HPSE2: variants seen among roughly 807,000 people sequenced by gnomAD.
The protein encoded by HPSE2 is heparanase 2 (inactive).
Under a neutral mutation model 60.5 loss-of-function variants are expected in HPSE2, and 38 were observed. That is an observed-to-expected ratio of 0.63 (90% CI 0.48 to 0.82). HPSE2 has a LOEUF of 0.82. Ranked by LOEUF, HPSE2 falls within the 40% of genes least tolerant of loss-of-function variation. HPSE2 has a pLI of 0.00. For missense variants in HPSE2, 713 were observed against 740.4 expected (o/e 0.96, Z 0.43); for synonymous variants, 295 against 293.2 (o/e 1.01, Z -0.06).
intron 3 of HPSE2, among the ~76,000 whole-genome samples, chr10:99,005,322 G>C (rs1193657610): frequency 6.6e-6 from 1 of 151,972 alleles, no homozygotes; most frequent in Non-Finnish European, 1.5e-5. Flanking sequence ...CATAAATTCT[G>C]TAAGTTTTCT....
At chr10:98,577,295 T>C (rs1944668258) in intron 9 of HPSE2, among the ~76,000 whole-genome samples, 1 of 152,190 alleles carries the variant, frequency 6.6e-6, no homozygotes, top group Non-Finnish European at 1.5e-5. Context: ...TTATTGTTTG[T>C]TTCAGCAATT....
At chr10:98,570,272 G>A (rs1944457494) in intron 9 of HPSE2, among the ~76,000 whole-genome samples, 1 of 152,106 alleles carries the variant, frequency 6.6e-6, no homozygotes, top group Admixed American at 6.5e-5. Flanking sequence ...GCTGTCTGTT[G>A]TTTGCCCTTC....
intron 6 of HPSE2, among the ~76,000 whole-genome samples, chr10:98,678,219 T>A (rs1034982597): frequency 3.3e-5 from 1 of 30,482 alleles, no homozygotes; most frequent in African/African-American, 4.8e-5. Flanking sequence ...AGGAATTTTC[T>A]AAAGGCCAAT....
chr10:98,561,725 G>T lies in HPSE2; in HGVS notation c.1320+53179C>A, dbSNP rs987435187. Among the ~76,000 whole-genome samples, 4 of 152,142 alleles carry T rather than the reference G, an allele frequency of 2.6e-5. No individual in the cohort carries two copies. The East Asian group carries it at 5.8e-4, about 22-fold the overall frequency. ...TAGCTGGGTGTGGTGGCGGGCGCCT[G>T]CAATTCCAGCTACTTACGAGGTTGA... On this transcript the variant is annotated intron_variant, in intron 9 of 11. Coordinates refer to ENST00000370552, the MANE Select transcript of HPSE2 (RefSeq NM_021828.5).
intron 9 of HPSE2, among the ~76,000 whole-genome samples, chr10:98,495,537 C>T (rs909477032): frequency 2.6e-5 from 4 of 152,086 alleles, no homozygotes; most frequent in Non-Finnish European, 4.4e-5. Flanking sequence ...ATGGTGTCCC[C>T]CAGGTCCCTT....
intron 3 of HPSE2, among the ~76,000 whole-genome samples, chr10:98,827,540 G>C (rs993188984): frequency 5.9e-5 from 9 of 152,126 alleles, no homozygotes; most frequent in Admixed American, 3.9e-4. Context: ...GGTTTGTTAC[G>C]CAGCAACATA....
chr10:99,144,211 G>T (rs1293078120), intron 3 of HPSE2, 27 bp downstream of exon 3: 1 of 1,611,846 alleles, frequency 6.2e-7, no homozygotes, highest in African/African-American at 1.3e-5. Flanking sequence ...AATGCTCTAA[G>T]ATTTCAACCA....
At chr10:99,035,798 A>G (rs1957596805) in intron 3 of HPSE2, among the ~76,000 whole-genome samples, 1 of 152,202 alleles carries the variant, frequency 6.6e-6, no homozygotes, top group South Asian at 2.1e-4. Flanking sequence ...ATTGACAGAA[A>G]TGTCATTATG....
chr10:98,829,141 T>G (rs1721204658), intron 3 of HPSE2, among the ~76,000 whole-genome samples: 1 of 152,090 alleles, frequency 6.6e-6, no homozygotes, highest in Non-Finnish European at 1.5e-5. Context: ...ATAGTCAAAT[T>G]CATAGAGTTA....
intron 9 of HPSE2, among the ~76,000 whole-genome samples, chr10:98,573,601 T>G (rs1006146347): frequency 6.6e-6 from 1 of 152,134 alleles, no homozygotes; most frequent in Non-Finnish European, 1.5e-5. Flanking sequence ...GGATGGAAAA[T>G]GGAAACCAGC....
chr10:99,232,649 G>T (rs1222542839), intron 1 of HPSE2, 144 bp from the exon 2 acceptor site: 2 of 962,692 alleles, frequency 2.1e-6, no homozygotes, highest in East Asian at 2.6e-5. Context: ...GGCAGTCCAC[G>T]CTGGCCCTTG....
At chr10:98,559,219 G>T (rs1440887983) in intron 9 of HPSE2, among the ~76,000 whole-genome samples, 3 of 152,072 alleles carry the variant, frequency 2.0e-5, no homozygotes, top group Non-Finnish European at 4.4e-5. Context: ...GTAGAGATGG[G>T]GTTTCACCAT....
intron 3 of HPSE2, among the ~76,000 whole-genome samples, chr10:98,833,878 G>A (rs1030048365): frequency 6.6e-6 from 1 of 152,070 alleles, no homozygotes; most frequent in African/African-American, 2.4e-5. Flanking sequence ...AGAGACCAGT[G>A]TTTCAGATGA....
chr10:98,497,855 G>A (rs1459761057), intron 9 of HPSE2, among the ~76,000 whole-genome samples: 1 of 151,990 alleles, frequency 6.6e-6, no homozygotes, highest in Non-Finnish European at 1.5e-5. Context: ...CATGATTTTT[G>A]TTCTATGTAT....
Position 98,614,459 on chromosome 10 carries a change from A to AT in HPSE2, c.1320+444dup, listed in dbSNP as rs532708377. Among the ~76,000 whole-genome samples the AT allele has an allele frequency of 2.7e-3, 416 of 152,018 alleles. 2 individuals carry two copies. The highest frequency in any genetic ancestry group is 5.5e-3 in the Admixed American group (84 of 15,284). On this transcript the variant is annotated intron_variant, in intron 9 of 11. Coordinates refer to ENST00000370552, the MANE Select transcript of HPSE2 (RefSeq NM_021828.5). ...AGGTGCCCGCCATCACACACAGCTA[A>AT]TTTTTTGTATTTTTAGTGGAGACGG...
intron 3 of HPSE2, among the ~76,000 whole-genome samples, chr10:98,917,309 A>G (rs1167988845): frequency 6.6e-6 from 1 of 152,214 alleles, no homozygotes; most frequent in African/African-American, 2.4e-5. Context: ...GTATTCAATA[A>G]ACATAATGGT....
upstream of HPSE2, among the ~76,000 whole-genome samples, chr10:99,237,720 T>G (rs2133961438): frequency 6.6e-6 from 1 of 152,332 alleles, no homozygotes; most frequent in Non-Finnish European, 1.5e-5. Context: ...GACATCTAGA[T>G]CCTTTAAACT....
chr10:98,922,916 C>T (rs1954325386), intron 3 of HPSE2, among the ~76,000 whole-genome samples: 1 of 152,116 alleles, frequency 6.6e-6, no homozygotes, highest in African/African-American at 2.4e-5. Context: ...CTACTTTAGT[C>T]AAGATAAGTT....
intron 3 of HPSE2, among the ~76,000 whole-genome samples, chr10:99,006,273 A>G (rs1303744276): frequency 6.6e-6 from 1 of 152,066 alleles, no homozygotes; most frequent in Non-Finnish European, 1.5e-5. Flanking sequence ...GTCTTGATCC[A>G]TGGGGACCAG....
Sources: gnomAD v4.1 joint callset for allele counts (sites outside exome capture counted in the v4.1 genomes callset) on GRCh38, gnomAD v4.1.1 for gene constraint, MANE v1.5 for transcripts, NCBI Gene and HGNC (gene_info 2026-07-23, HGNC 2026-07-21) for gene names.